Variants in DMAC2L observed in about 807,000 individuals in gnomAD.
The protein encoded by DMAC2L is distal membrane arm assembly component 2 like.
In DMAC2L, 21 loss-of-function variants were observed where a neutral mutation model predicts 22.5. The observed-to-expected ratio is 0.93, with a 90% confidence interval of 0.66 to 1.34. DMAC2L has a LOEUF of 1.34. Among genes scored for constraint, DMAC2L ranks in the 40% most tolerant of loss-of-function variants. The pLI is 0.00. For missense variants in DMAC2L, 239 were observed against 246.5 expected (o/e 0.97, Z 0.20); for synonymous variants, 86 against 89.5 (o/e 0.96, Z 0.22).
In DMAC2L at chr14:50,314,577, T is replaced by G. The variant is rs756857853; in HGVS notation, c.-41-14T>G. On this transcript the variant is annotated splice_polypyrimidine_tract_variant and intron_variant, in intron 1 of 5. Transcript: ENST00000557421. ...TGTACAGCCTTTTGTGTGAACCTGT[T>G]TTTGTTTCTCTAGGATAAGTGCCCA... 8.8e-6 allele frequency: 4 copies of G among 455,762 alleles called. No homozygotes were observed. Among genetic ancestry groups the G allele is most frequent in the Admixed American group, 2.3e-5 (1 of 42,556 alleles). The allele number at this position is 455,762 out of a possible 1,614,324, so 28.2% of individuals were successfully genotyped here. A position where few individuals can be genotyped will look rare whatever the true frequency, so the allele number is the denominator to read the frequency against.
At chr14:50,315,369 A>G (rs1330844862) in intron 2 of DMAC2L, among the ~76,000 whole-genome samples, 2 of 151,984 alleles carry the variant, frequency 1.3e-5, no homozygotes, top group Admixed American at 6.6e-5. Flanking sequence ...TTCACTTAGA[A>G]TAATAAACTC....
chr14:50,314,344 C>T (rs2031572508), intron 1 of DMAC2L, among the ~76,000 whole-genome samples: 1 of 152,196 alleles, frequency 6.6e-6, no homozygotes, highest in Non-Finnish European at 1.5e-5. Flanking sequence ...ACTTGCTCCT[C>T]CTTGCCTTCC....
chr14:50,324,283 C>A, intron 5 of DMAC2L, 167 bp downstream of exon 5: 1 of 587,548 alleles, frequency 1.7e-6, no homozygotes, highest in Non-Finnish European at 2.7e-6. Flanking sequence ...AATGATCAAC[C>A]TTAATACATT....
At chr14:50,311,824 C>T (rs185145486), upstream of DMAC2L, among the ~76,000 whole-genome samples, 2 of 152,348 alleles carry the variant, frequency 1.3e-5, no homozygotes, top group East Asian at 1.9e-4. Context: ...GCCTTTCCTC[C>T]GGCCCGTAAA....
chr14:50,321,870 A>G (rs2032305473), intron 3 of DMAC2L, among the ~76,000 whole-genome samples: 1 of 152,248 alleles, frequency 6.6e-6, no homozygotes. Context: ...ATAATCAGAA[A>G]AACTTATTAA....
intron 4 of DMAC2L, chr14:50,323,052 A>G: frequency 8.1e-6 from 8 of 983,010 alleles, no homozygotes; most frequent in Non-Finnish European, 8.4e-6. Flanking sequence ...ATATCCACAC[A>G]GCTTCTGCTT....
At chr14:50,324,140 A>G in intron 5 of DMAC2L, 24 bp downstream of exon 5, 5 of 1,591,166 alleles carry the variant, frequency 3.1e-6, no homozygotes, top group Non-Finnish European at 4.3e-6. Context: ...GCCAAAGTGG[A>G]AACTTGATAA....
rs1358187332 is a variant in DMAC2L at position 50,326,814 on chromosome 14, G to A, written c.*1091G>A. 1 of 947,970 alleles carries A rather than the reference G, an allele frequency of 1.1e-6. No homozygotes were observed. The highest frequency in any genetic ancestry group is 1.3e-6 in the Non-Finnish European group (1 of 795,932). The allele number at this position is 947,970 out of a possible 1,614,324, so 58.7% of individuals were successfully genotyped here. A position where few individuals can be genotyped will look rare whatever the true frequency, so the allele number is the denominator to read the frequency against. The stretch of plus-strand genomic sequence containing the variant: ...CCAGTGCTTTGGGAGGCTGAGGTGG[G>A]AGGATCACTTGAGACCAGGAGTTTG... On this transcript the variant is annotated 3_prime_UTR_variant, in exon 6 of 6. Transcript: ENST00000557421.
In DMAC2L at chr14:50,314,636, T is replaced by C. The variant is rs1028438521; in HGVS notation, c.-6+10T>C. On this transcript the variant is annotated intron_variant, in intron 2 of 5. Coordinates refer to ENST00000557421, the MANE Select transcript of DMAC2L (RefSeq NM_001382507.1). The stretch of plus-strand genomic sequence containing the variant: ...ATTGCTGGGTCATATGGTAAGTGCA[T>C]GTTTATTTTTTATTTTTATTTTTGA... The C allele has an allele frequency of 1.3e-5, 6 of 454,332 alleles. No homozygotes were observed. Among genetic ancestry groups the C allele is most frequent in the African/African-American group, 1.2e-4 (6 of 50,008 alleles). The allele number at this position is 454,332 out of a possible 1,614,324, so 28.1% of individuals were successfully genotyped here.
chr14:50,317,171 G>GT (rs1439621059), intron 2 of DMAC2L, among the ~76,000 whole-genome samples: 94 of 151,714 alleles, frequency 6.2e-4, no homozygotes, highest in Middle Eastern at 3.4e-3. Flanking sequence ...ATATTCCTAA[G>GT]TTTTTTTTGT....
intron 2 of DMAC2L, among the ~76,000 whole-genome samples, chr14:50,320,798 C>G (rs2032199480): frequency 6.6e-6 from 1 of 152,190 alleles, no homozygotes; most frequent in Non-Finnish European, 1.5e-5. Context: ...ACCTAGCATA[C>G]TACTAGGGAA....
At chr14:50,319,294 A>C in intron 2 of DMAC2L, 1 of 1,536,052 alleles carries the variant, frequency 6.5e-7, no homozygotes, top group East Asian at 2.4e-5. Context: ...TGAAAAAGGG[A>C]TGAAAGGGTA....
At chr14:50,314,235 C>T (rs1015981403) in intron 1 of DMAC2L, among the ~76,000 whole-genome samples, 1 of 152,188 alleles carries the variant, frequency 6.6e-6, no homozygotes, top group Non-Finnish European at 1.5e-5. Context: ...TGCTGTTCTC[C>T]AGATAGTGAA....
At position 50,326,777 on chromosome 14, in the gene DMAC2L, G is replaced by A. The variant is rs1015516833; in HGVS notation, c.*1054G>A. ...TGCTTTAGGCTGGGTGCCGTGGCTC[G>A]TGCCTGTAATCCCAGTGCTTTGGGA... is the stretch of plus-strand genomic sequence containing the variant. On this transcript the variant is annotated 3_prime_UTR_variant, in exon 6 of 6. Coordinates refer to ENST00000557421, the MANE Select transcript of DMAC2L (RefSeq NM_001382507.1). 8 of 984,230 alleles carry A rather than the reference G, an allele frequency of 8.1e-6. No individual in the cohort carries two copies. Among genetic ancestry groups the A allele is most frequent in the African/African-American group, 1.7e-5 (1 of 57,272 alleles). The allele number at this position is 984,230 out of a possible 1,614,324, so 61.0% of individuals were successfully genotyped here.
chr14:50,315,535 G>A (rs1039171187), intron 2 of DMAC2L, among the ~76,000 whole-genome samples: 2 of 151,616 alleles, frequency 1.3e-5, no homozygotes, highest in African/African-American at 4.8e-5. Context: ...GGTGGCATAT[G>A]CCTGTAATCC....
upstream of DMAC2L, chr14:50,312,025 G>A (rs761283403): frequency 2.5e-6 from 4 of 1,571,336 alleles, no homozygotes; most frequent in South Asian, 3.5e-5. Flanking sequence ...TGCTGGCGCT[G>A]CGGCTACCTC....
intron 2 of DMAC2L, chr14:50,319,141 C>T (rs2139293115): frequency 6.6e-7 from 1 of 1,518,478 alleles, no homozygotes; most frequent in South Asian, 1.2e-5. Flanking sequence ...TGGGAAAGCC[C>T]ATATTTGTAA....
intron 2 of DMAC2L, among the ~76,000 whole-genome samples, chr14:50,318,277 C>T (rs1398537966): frequency 6.6e-6 from 1 of 152,180 alleles, no homozygotes; most frequent in Non-Finnish European, 1.5e-5. Flanking sequence ...GAATAATTTG[C>T]AAAATCATTA....
At chr14:50,311,540 G>C (rs2139243470), upstream of DMAC2L, 1 of 448,518 alleles carries the variant, frequency 2.2e-6, no homozygotes, top group Non-Finnish European at 4.5e-6. Context: ...TGCCTCCGAC[G>C]GGGGCAACAC....
Sources: allele counts gnomAD v4.1 joint callset (sites outside exome capture counted in the v4.1 genomes callset), GRCh38; gene constraint gnomAD v4.1.1; transcripts MANE v1.5; gene names NCBI Gene and HGNC (gene_info 2026-07-23, HGNC 2026-07-21).